The following SASH1 variants were observed in gnomAD, a reference collection of about 807,000 sequenced individuals.
SASH1 encodes the protein SAM and SH3 domain-containing protein 1.
A neutral mutation model predicts 125.2 loss-of-function variants in SASH1; 44 were observed. That is an observed-to-expected ratio of 0.35 (90% CI 0.28 to 0.45). The LOEUF is 0.45. Ranked by LOEUF, SASH1 falls within the 20% of genes least tolerant of loss-of-function variation. The pLI is 1.00. For missense variants in SASH1, 1,426 were observed against 1,614.5 expected, an observed-to-expected ratio of 0.88 and a Z score of 2.00; for synonymous variants, 639 against 649.1, an observed-to-expected ratio of 0.98 and a Z score of 0.24.
the SASH1 span, among the ~76,000 whole-genome samples, chr6:148,236,043 C>T: frequency 6.6e-6 from 1 of 152,102 alleles, no homozygotes; most frequent in South Asian, 2.1e-4. Flanking sequence ...TGGTCTAATA[C>T]AAGGACTCTT....
intron 2 of SASH1, among the ~76,000 whole-genome samples, chr6:148,402,904 C>T (rs77830154): frequency 0.024 from 3,656 of 152,190 alleles, 141 homozygotes; most frequent in African/African-American, 0.084. Context: ...CCACAGCACC[C>T]GGCCCAAAAA....
At chr6:148,514,144 T>G in intron 8 of SASH1, 180 bp from the exon 9 acceptor site, 12 of 1,372,994 alleles carry the variant, frequency 8.7e-6, no homozygotes, top group East Asian at 2.9e-5. Context: ...TCTACGCCGA[T>G]TTAGATCTTA....
chr6:148,436,821 G>A (rs1197191087), intron 2 of SASH1, among the ~76,000 whole-genome samples: 1 of 152,224 alleles, frequency 6.6e-6, no homozygotes, highest in Non-Finnish European at 1.5e-5. Flanking sequence ...AACATCATAA[G>A]GTGCTTGTTG....
chr6:148,537,326 C>T (rs1781908618), intron 16 of SASH1, among the ~76,000 whole-genome samples: 2 of 152,194 alleles, frequency 1.3e-5, no homozygotes, highest in African/African-American at 4.8e-5. Context: ...TGGGAAAAGA[C>T]TCTAATTGTC....
chr6:148,501,001 C>T (rs769183904), intron 8 of SASH1, among the ~76,000 whole-genome samples: 1 of 151,994 alleles, frequency 6.6e-6, no homozygotes. Flanking sequence ...AGTAAATTTG[C>T]TTATTTATTC....
intron 4 of SASH1, among the ~76,000 whole-genome samples, chr6:148,467,715 T>G (rs368250740): frequency 3.0e-4 from 45 of 152,240 alleles, no homozygotes; most frequent in African/African-American, 1.1e-3. Flanking sequence ...GGCAGGAGGA[T>G]TGCATGAGGT....
rs1186077560 is a variant in SASH1, at chr6:148,540,439, C to G, written c.2096-4C>G. On this transcript the variant is annotated splice_region_variant and splice_polypyrimidine_tract_variant and intron_variant, in intron 16 of 19. Transcript: ENST00000367467. ...TTGATTTCATGCCGTGTTCTCTCCT[C>G]TAGGTAACAGCGACCAGTCAGGATC... is the stretch of plus-strand genomic sequence containing the variant. 15 of 1,612,190 alleles carry G rather than the reference C, an allele frequency of 9.3e-6. No homozygotes were observed. The highest frequency in any genetic ancestry group is 1.6e-4 in the Middle Eastern group (1 of 6,080).
chr6:148,477,968 A>G (rs1382203825), intron 7 of SASH1, among the ~76,000 whole-genome samples: 5 of 152,076 alleles, frequency 3.3e-5, no homozygotes, highest in Admixed American at 3.3e-4. Context: ...AAGTGTTGTG[A>G]TTACGGGCAT....
chr6:148,303,273 C>A (rs577350959), intron 1 of SASH1, among the ~76,000 whole-genome samples: 3 of 152,226 alleles, frequency 2.0e-5, no homozygotes, highest in Admixed American at 6.5e-5. Flanking sequence ...AGCCACCATG[C>A]CTGGCCTAAA....
At chr6:148,207,449 T>C in the SASH1 span, among the ~76,000 whole-genome samples, 2 of 152,182 alleles carry the variant, frequency 1.3e-5, no homozygotes, top group Non-Finnish European at 2.9e-5. Context: ...TCCCGAACAG[T>C]TCTAAAATTA....
At position 148,544,916 on chromosome 6, in the gene SASH1, C is replaced by A; in HGVS notation, c.3348+98C>A. On this transcript the variant is annotated intron_variant, in intron 18 of 19. Transcript: ENST00000367467. The surrounding 1 kb of genome is among the most constrained non-coding windows in gnomAD (Gnocchi z 6.4). ...CCCACATCTGAAGCCAGCCCGGTAG[C>A]CCGCCCAGTGGACAGGAGACACCTG... 1 of 1,229,068 alleles carries A rather than the reference C, an allele frequency of 8.1e-7. No individual in the cohort carries two copies. Among genetic ancestry groups the A allele is most frequent in the Non-Finnish European group, 1.1e-6 (1 of 900,786 alleles). 76.1% of individuals were successfully genotyped at this position (1,229,068 alleles called of 1,614,324 possible).
At chr6:148,308,712 A>G (rs1363660923) in intron 1 of SASH1, among the ~76,000 whole-genome samples, 2 of 80,826 alleles carry the variant, frequency 2.5e-5, no homozygotes, top group Non-Finnish European at 5.3e-5. Context: ...GAGCTTTTTA[A>G]AGTATTTTCT....
intron 1 of SASH1, among the ~76,000 whole-genome samples, chr6:148,335,797 C>T (rs1331012780): frequency 1.3e-5 from 2 of 152,220 alleles, no homozygotes; most frequent in East Asian, 3.9e-4. Context: ...CTAATCACCC[C>T]GCCCCACCCG....
intron 2 of SASH1, among the ~76,000 whole-genome samples, chr6:148,424,295 G>A (rs371349946): frequency 6.7e-6 from 1 of 150,212 alleles, no homozygotes; most frequent in Non-Finnish European, 1.5e-5. Flanking sequence ...GCTGGAGTGC[G>A]GTGGCGCAAT....
Position 148,531,575 on chromosome 6 carries a change from A to G in SASH1, c.1478A>G (p.Asp493Gly). The G allele has an allele frequency of 6.4e-7, 1 of 1,568,066 alleles. No individual in the cohort carries two copies. Among genetic ancestry groups the G allele is most frequent in the Non-Finnish European group, 8.7e-7 (1 of 1,155,950 alleles). The change falls in exon 13 of 20, where the codon GAC becomes GGC. Residue 493 changes from aspartate to glycine, a missense_variant. Around this residue, in one of 3 missense-constraint regions of SASH1, gnomAD observed 225 missense variants for 344.5 expected, o/e 0.65. Transcript: ENST00000367467. Reference sequence around the variant, plus strand: ...GGCTCCCCTCCGCCTTCACAGCCCGACCCCGAACACTTGGACAAGCCCAAG... The same window carrying G: ...GGCTCCCCTCCGCCTTCACAGCCCGGCCCCGAACACTTGGACAAGCCCAAG... ...MPGSPPPSQP[D>G]PEHLDKPKLK...
chr6:148,365,538 C>T (rs755122008), intron 1 of SASH1, among the ~76,000 whole-genome samples: 1 of 152,038 alleles, frequency 6.6e-6, no homozygotes, highest in Non-Finnish European at 1.5e-5. Context: ...TTGCCCACCT[C>T]ATGACCATAT....
Position 148,513,309 on chromosome 6 carries a change from C to T in SASH1, c.730-1015C>T, listed in dbSNP as rs565036575. Reference sequence around the variant, plus strand: ...GAGAGAAGGTTGTTGTCAGGGCGTGCGACGTGAGCTGGAATTGCTCACCCA... The same window carrying T: ...GAGAGAAGGTTGTTGTCAGGGCGTGTGACGTGAGCTGGAATTGCTCACCCA... On this transcript the variant is annotated intron_variant, in intron 8 of 19. Coordinates refer to ENST00000367467, the MANE Select transcript of SASH1 (RefSeq NM_015278.5). 3.0e-5 allele frequency: 30 copies of T among 985,398 alleles called. 1 individual carries two copies. In the South Asian group the frequency reaches 6.1e-4, roughly 20 times the overall value. The allele number at this position is 985,398 out of a possible 1,614,324, so 61.0% of individuals were successfully genotyped here. A position where few individuals can be genotyped will look rare whatever the true frequency, so the allele number is the denominator to read the frequency against.
At chr6:148,368,262 A>G (rs1782555150) in intron 1 of SASH1, among the ~76,000 whole-genome samples, 1 of 151,530 alleles carries the variant, frequency 6.6e-6, no homozygotes, top group African/African-American at 2.4e-5. Context: ...ATTTGAAGCC[A>G]GGATCTGCTC....
chr6:148,506,731 C>G (rs1779823167), intron 8 of SASH1, among the ~76,000 whole-genome samples: 1 of 152,164 alleles, frequency 6.6e-6, no homozygotes, highest in African/African-American at 2.4e-5. Context: ...CACTGGGGCA[C>G]TCTCATTTTC....
Sources: allele counts gnomAD v4.1 joint callset (sites outside exome capture counted in the v4.1 genomes callset), GRCh38; gene constraint gnomAD v4.1.1; regional missense constraint gnomAD v4.1.1; non-coding constraint Gnocchi (gnomAD v3.1); transcripts MANE v1.5; gene names NCBI Gene and HGNC (gene_info 2026-07-23, HGNC 2026-07-21).